ARFGEF2: variants seen among roughly 807,000 people sequenced by gnomAD.
ARFGEF2 encodes the protein ARF guanine nucleotide exchange factor 2, also known as brefeldin A-inhibited guanine nucleotide-exchange protein 2.
A neutral mutation model predicts 219.9 loss-of-function variants in ARFGEF2; 74 were observed. That is an observed-to-expected ratio of 0.34 (90% CI 0.28 to 0.41). The LOEUF (loss-of-function observed/expected upper bound fraction) is 0.41, where lower values mean the gene tolerates loss of function less well. ARFGEF2 is among the 10% of genes least tolerant of loss of function. The pLI, the probability that ARFGEF2 is intolerant of heterozygous loss-of-function variation, is 1.00. For synonymous variants in ARFGEF2, 733 were observed against 799.2 expected, an observed-to-expected ratio of 0.92 and a Z score of 1.40; for missense variants, 1,743 against 2,218.3, an observed-to-expected ratio of 0.79 and a Z score of 4.30.
At chr20:48,971,089 C>G in intron 9 of ARFGEF2, 31 bp from the exon 10 acceptor site, 1 of 1,576,516 alleles carries the variant, frequency 6.3e-7, no homozygotes, top group Non-Finnish European at 8.7e-7. Flanking sequence ...TTTCTTTTAG[C>G]ACTGTTGTGG....
chr20:49,017,524 G>A lies in ARFGEF2; in HGVS notation c.4483G>A (p.Glu1495Lys). The A allele has an allele frequency of 6.2e-7, 1 of 1,613,996 alleles. No individual in the cohort carries two copies. The highest frequency in any genetic ancestry group is 8.5e-7 in the Non-Finnish European group (1 of 1,180,006). Residue 1495 changes from glutamate to lysine, a missense_variant, in exon 33 of 39, where the codon GAG becomes AAG. This residue lies in a region of ARFGEF2 where 578 missense variants were observed against 664.0 expected (regional missense o/e 0.87). Transcript: ENST00000371917. ...GCTGACATGGAGACCTGTAGGAATG[G>A]AGGAAGATTCATCAGAAAAGCATTT... Reference protein sequence around the residue: ...VLLTWRPVGMEEDSSEKHLDV... With the variant: ...VLLTWRPVGMKEDSSEKHLDV...
chr20:49,023,339 T>A (rs2091578373), intron 35 of ARFGEF2, among the ~76,000 whole-genome samples, 158 bp downstream of exon 35: 1 of 152,154 alleles, frequency 6.6e-6, no homozygotes, highest in Non-Finnish European at 1.5e-5. Flanking sequence ...TGCTTAAAAT[T>A]GGCCTTGATG....
At chr20:48,974,741 T>G in intron 12 of ARFGEF2, 25 bp from the exon 13 acceptor site, 3 of 1,590,452 alleles carry the variant, frequency 1.9e-6, no homozygotes, top group Non-Finnish European at 2.6e-6. Context: ...GTTAAGTCTC[T>G]TTCCTGTGTG....
chr20:48,999,267 T>TA (rs1413907974), intron 25 of ARFGEF2: 2 of 453,114 alleles, frequency 4.4e-6, no homozygotes, highest in South Asian at 3.1e-5. Context: ...TGTTTTTAAA[T>TA]CAGTAACAAG....
intron 28 of ARFGEF2, 150 bp downstream of exon 28, chr20:49,012,234 A>G: frequency 2.0e-6 from 2 of 1,003,724 alleles, no homozygotes; most frequent in Non-Finnish European, 3.0e-6. Context: ...TGCTGCCATG[A>G]CAGGGAGTTA....
intron 26 of ARFGEF2, among the ~76,000 whole-genome samples, chr20:49,007,592 CTTTTTTTTTT>C: frequency 1.0e-5 from 1 of 97,844 alleles, no homozygotes; most frequent in African/African-American, 3.9e-5. Flanking sequence ...CCTGGTGTTG[CTTTTTTTTTT>C]TTTTTTTTTT....
chr20:48,953,920 C>A, intron 6 of ARFGEF2, 130 bp downstream of exon 6: 1 of 979,444 alleles, frequency 1.0e-6, no homozygotes, highest in Non-Finnish European at 1.6e-6. Context: ...CTGGGCCTTT[C>A]CCTTTGCTTT....
chr20:48,987,308 T>C (rs976580882), intron 16 of ARFGEF2, among the ~76,000 whole-genome samples: 2 of 152,250 alleles, frequency 1.3e-5, no homozygotes, highest in Non-Finnish European at 1.5e-5. Context: ...AAATTTCTAC[T>C]GTTCCTGTTA....
intron 20 of ARFGEF2, 89 bp downstream of exon 20, chr20:48,989,773 G>C (rs973297286): frequency 6.3e-7 from 1 of 1,585,340 alleles, no homozygotes; most frequent in Non-Finnish European, 8.6e-7. Flanking sequence ...GAAATTTTCA[G>C]TTAATCAAGA....
At chr20:48,961,905 G>A (rs972900741) in intron 6 of ARFGEF2, among the ~76,000 whole-genome samples, 9 of 151,204 alleles carry the variant, frequency 6.0e-5, no homozygotes, top group African/African-American at 1.7e-4. Flanking sequence ...CTAGCCGGGC[G>A]CAGTGGCTCA....
chr20:48,975,854 T>C (rs1348763431), intron 13 of ARFGEF2, among the ~76,000 whole-genome samples, 162 bp from the exon 14 acceptor site: 1 of 149,762 alleles, frequency 6.7e-6, no homozygotes, highest in African/African-American at 2.5e-5. Context: ...AGTTTTTAAG[T>C]AAAGTATCTG....
At chr20:48,998,857 C>T (rs1600644346) in intron 25 of ARFGEF2, among the ~76,000 whole-genome samples, 1 of 152,186 alleles carries the variant, frequency 6.6e-6, no homozygotes, top group Non-Finnish European at 1.5e-5. Context: ...TGTTAAGTTA[C>T]GTTCCAGGTA....
At chr20:48,999,598 T>G (rs747918837) in intron 25 of ARFGEF2, among the ~76,000 whole-genome samples, 22 of 151,756 alleles carry the variant, frequency 1.4e-4, no homozygotes, top group Admixed American at 2.6e-4. Flanking sequence ...ATACAAAAGT[T>G]TAGCCCGGCG....
chr20:49,031,841 C>T (rs371467794), intron 37 of ARFGEF2, among the ~76,000 whole-genome samples: 4 of 151,414 alleles, frequency 2.6e-5, no homozygotes, highest in African/African-American at 9.7e-5. Context: ...AGCTTGAGCC[C>T]GAGGAGGTCA....
chr20:48,951,507 G>C lies in ARFGEF2; in HGVS notation c.423+38G>C, dbSNP rs369200706. ...GTTTGCCTGTCTGGTTTTTAAATTA[G>C]AAAGCAAGTCCCTGTGGGAATCTGG... On this transcript the variant is annotated intron_variant, in intron 4 of 38. Coordinates refer to ENST00000371917, the MANE Select transcript of ARFGEF2 (RefSeq NM_006420.3). 3.1e-6 allele frequency: 5 copies of C among 1,613,436 alleles called. No individual in the cohort carries two copies. In the African/African-American group the frequency reaches 6.7e-5, roughly 22 times the overall value.
chr20:48,988,289 A>G lies in ARFGEF2; in HGVS notation c.2277-15A>G, dbSNP rs1234223760. 6.2e-7 allele frequency: 1 copy of G among 1,608,940 alleles called. No individual in the cohort carries two copies. The highest frequency in any genetic ancestry group is 8.5e-7 in the Non-Finnish European group (1 of 1,176,314). The stretch of plus-strand genomic sequence containing the variant: ...CATCACCATGAATATTGATGTCTCG[A>G]ATTTTTTTCTCCAGGCAAACTCTGT... On this transcript the variant is annotated splice_polypyrimidine_tract_variant and intron_variant, in intron 16 of 38. Coordinates refer to ENST00000371917, the MANE Select transcript of ARFGEF2 (RefSeq NM_006420.3).
intron 11 of ARFGEF2, among the ~76,000 whole-genome samples, chr20:48,972,662 T>G (rs1244120966): frequency 2.0e-5 from 3 of 152,200 alleles, no homozygotes; most frequent in Non-Finnish European, 4.4e-5. Flanking sequence ...CCCCCTAATC[T>G]CGTCAAACTG....
At chr20:48,924,680 G>T (rs547656861) in intron 1 of ARFGEF2, among the ~76,000 whole-genome samples, 2 of 152,154 alleles carry the variant, frequency 1.3e-5, no homozygotes, top group South Asian at 2.1e-4. Flanking sequence ...ACAGGAAACA[G>T]CTTCTGTGAT....
chr20:48,990,524 T>C (rs1327152688), intron 20 of ARFGEF2, among the ~76,000 whole-genome samples: 1 of 152,196 alleles, frequency 6.6e-6, no homozygotes, highest in Non-Finnish European at 1.5e-5. Flanking sequence ...AAAAACTCAA[T>C]CTTCTGTTCC....
Sources: gnomAD v4.1 joint callset for allele counts (sites outside exome capture counted in the v4.1 genomes callset) on GRCh38, gnomAD v4.1.1 for gene constraint, gnomAD v4.1.1 regional missense constraint, MANE v1.5 for transcripts, NCBI Gene and HGNC (gene_info 2026-07-23, HGNC 2026-07-21) for gene names.